MEI4: variants seen among roughly 807,000 people sequenced by gnomAD.
MEI4 encodes meiotic double-stranded break formation protein 4, also known as meiosis-specific protein MEI4.
A neutral mutation model predicts 31.4 loss-of-function variants in MEI4; 27 were observed. The observed-to-expected ratio is 0.86, with a 90% confidence interval of 0.63 to 1.19. MEI4 has a LOEUF of 1.19. Among genes scored for constraint, MEI4 ranks in the 50% most tolerant of loss-of-function variants. The pLI is 0.00. For missense variants in MEI4, 329 were observed against 398.9 expected, an observed-to-expected ratio of 0.82 and a Z score of 1.49; for synonymous variants, 122 against 145.4, an observed-to-expected ratio of 0.84 and a Z score of 1.16.
intron 3 of MEI4, among the ~76,000 whole-genome samples, chr6:77,777,579 A>G (rs532685847): frequency 2.6e-5 from 4 of 152,312 alleles, no homozygotes; most frequent in African/African-American, 9.6e-5. Flanking sequence ...CCCTAAAGGA[A>G]AAAAGAGCAG....
At chr6:77,653,180 G>A (rs907478858) in intron 1 of MEI4, among the ~76,000 whole-genome samples, 88 bp downstream of exon 1, 3 of 152,162 alleles carry the variant, frequency 2.0e-5, no homozygotes, top group Admixed American at 1.3e-4. Flanking sequence ...CCAAGGCTTC[G>A]CAAGGATCTT....
chr6:77,804,175 A>G lies in MEI4; in HGVS notation c.769-24756A>G, dbSNP rs1018426777. 5.3e-5 allele frequency among the ~76,000 whole-genome samples: 8 copies of G among 152,042 alleles called. No homozygotes were observed. In the East Asian group the frequency reaches 1.6e-3, roughly 30 times the overall value. On this transcript the variant is annotated intron_variant, in intron 3 of 4. Coordinates refer to ENST00000684080, the MANE Select transcript of MEI4 (RefSeq NM_001322247.2). ...CCTACTCAAGCCTCAGCAATGGCGG[A>G]CGCCCCTCCCCCAGCCTCGCTACCG...
intron 4 of MEI4, among the ~76,000 whole-genome samples, chr6:77,888,978 T>A (rs768876488): frequency 6.6e-6 from 1 of 152,134 alleles, no homozygotes; most frequent in Non-Finnish European, 1.5e-5. Flanking sequence ...CATATGTGCT[T>A]CCCCTTCCTC....
At chr6:77,803,565 C>G (rs949565940) in intron 3 of MEI4, among the ~76,000 whole-genome samples, 5 of 152,152 alleles carry the variant, frequency 3.3e-5, no homozygotes, top group Non-Finnish European at 7.3e-5. Context: ...TTGGAGTTTC[C>G]AGTTTTTCTG....
chr6:77,683,768 C>A (rs1562204665), intron 1 of MEI4, among the ~76,000 whole-genome samples: 1 of 152,048 alleles, frequency 6.6e-6, no homozygotes, highest in African/African-American at 2.4e-5. Flanking sequence ...ACATATTTTT[C>A]TTTATCTGTT....
intron 3 of MEI4, among the ~76,000 whole-genome samples, chr6:77,824,193 G>A (rs1769890905): frequency 6.6e-6 from 1 of 152,062 alleles, no homozygotes; most frequent in African/African-American, 2.4e-5. Flanking sequence ...GGGTTCAAGC[G>A]ATTCTCCTGC....
At chr6:77,776,143 T>C (rs566815317) in intron 3 of MEI4, among the ~76,000 whole-genome samples, 21 of 151,650 alleles carry the variant, frequency 1.4e-4, no homozygotes, top group African/African-American at 4.8e-4. Context: ...GATGTCTGTT[T>C]ACTCTGCTAA....
chr6:77,675,801 A>C (rs138917523), intron 1 of MEI4, among the ~76,000 whole-genome samples: 3 of 152,178 alleles, frequency 2.0e-5, no homozygotes, highest in Non-Finnish European at 4.4e-5. Flanking sequence ...CATGGTAACC[A>C]TAAGTAACTC....
intron 4 of MEI4, among the ~76,000 whole-genome samples, chr6:77,879,900 CAA>C (rs1195902454): frequency 6.6e-6 from 1 of 152,106 alleles, no homozygotes; most frequent in Non-Finnish European, 1.5e-5. Context: ...AAACCCAAAA[CAA>C]GAGAGAATAG....
At chr6:77,792,988 A>T (rs1049658871) in intron 3 of MEI4, among the ~76,000 whole-genome samples, 1 of 152,192 alleles carries the variant, frequency 6.6e-6, no homozygotes, top group Non-Finnish European at 1.5e-5. Flanking sequence ...CTGGGATTAC[A>T]GGCGGGAGCC....
chr6:77,732,609 TA>T (rs1767037835), intron 2 of MEI4, among the ~76,000 whole-genome samples: 1 of 140,956 alleles, frequency 7.1e-6, no homozygotes, highest in Non-Finnish European at 1.6e-5. Flanking sequence ...CCTAATTGAA[TA>T]CCCTTTATTT....
intron 3 of MEI4, among the ~76,000 whole-genome samples, chr6:77,791,674 A>G (rs1768939132): frequency 7.5e-6 from 1 of 133,940 alleles, no homozygotes; most frequent in Non-Finnish European, 1.7e-5. Context: ...TAAAACTTAA[A>G]GTATAAAAAA....
intron 1 of MEI4, among the ~76,000 whole-genome samples, chr6:77,659,330 G>A (rs557978484): frequency 6.6e-6 from 1 of 152,296 alleles, no homozygotes; most frequent in Admixed American, 6.5e-5. Flanking sequence ...TTAGCAGGTA[G>A]ACACATGTAG....
At chr6:77,849,481 C>T (rs1022632659) in intron 4 of MEI4, among the ~76,000 whole-genome samples, 1 of 152,168 alleles carries the variant, frequency 6.6e-6, no homozygotes, top group Non-Finnish European at 1.5e-5. Context: ...AGCAAAAGCA[C>T]ATTTCATCTT....
At chr6:77,724,800 A>T (rs1260721304) in intron 2 of MEI4, among the ~76,000 whole-genome samples, 1 of 146,150 alleles carries the variant, frequency 6.8e-6, no homozygotes, top group Non-Finnish European at 1.5e-5. Context: ...AGGATATATC[A>T]CCTCCTGTAA....
At position 77,737,599 on chromosome 6, in the gene MEI4, T is replaced by C. The variant is rs192812904; in HGVS notation, c.233-23531T>C. The stretch of plus-strand genomic sequence containing the variant: ...GAAATTAGGAGATCATGGAGACCTT[T>C]CTGAGGAAGGGACATTTAAAGAGAA... On this transcript the variant is annotated intron_variant, in intron 2 of 4. Coordinates refer to ENST00000684080, the MANE Select transcript of MEI4 (RefSeq NM_001322247.2). 5.7e-4 allele frequency among the ~76,000 whole-genome samples: 87 copies of C among 152,260 alleles called. 2 individuals carry two copies. The highest frequency in any genetic ancestry group is 1.5e-3 in the African/African-American group (62 of 41,550).
intron 1 of MEI4, among the ~76,000 whole-genome samples, chr6:77,689,825 C>G (rs1258200159): frequency 6.6e-6 from 1 of 152,022 alleles, no homozygotes; most frequent in Non-Finnish European, 1.5e-5. Flanking sequence ...TTACTTTTCA[C>G]TCTTCATCAA....
intron 3 of MEI4, among the ~76,000 whole-genome samples, chr6:77,766,672 A>C (rs1198255271): frequency 1.7e-4 from 26 of 152,104 alleles, no homozygotes; most frequent in Non-Finnish European, 2.9e-5. Context: ...TCGGCCTCCC[A>C]AAGTGCTGGG....
chr6:77,854,185 A>G (rs1411228660), intron 4 of MEI4, among the ~76,000 whole-genome samples: 1 of 152,112 alleles, frequency 6.6e-6, no homozygotes, highest in African/African-American at 2.4e-5. Flanking sequence ...TACTCTATTC[A>G]TGACTCGCTA....
Sources: allele counts gnomAD v4.1 joint callset (sites outside exome capture counted in the v4.1 genomes callset), GRCh38; gene constraint gnomAD v4.1.1; transcripts MANE v1.5; gene names NCBI Gene and HGNC (gene_info 2026-07-23, HGNC 2026-07-21).